The following MRTFA variants were observed in gnomAD, a reference collection of about 807,000 sequenced individuals.
MRTFA encodes the protein myocardin-related transcription factor A.
A neutral mutation model predicts 83.5 loss-of-function variants in MRTFA; 20 were observed. The observed-to-expected ratio is 0.24, with a 90% confidence interval of 0.17 to 0.35. MRTFA has a LOEUF of 0.35. Ranked by LOEUF, MRTFA falls within the 10% of genes least tolerant of loss-of-function variation. The probability of loss-of-function intolerance (pLI) is 1.00; values close to 1 mark genes in which losing one functional copy is unlikely to be tolerated. For synonymous variants in MRTFA, 659 were observed against 541.2 expected, an observed-to-expected ratio of 1.22 and a Z score of -3.02; for missense variants, 1,200 against 1,224.7, an observed-to-expected ratio of 0.98 and a Z score of 0.30.
intron 2 of MRTFA, among the ~76,000 whole-genome samples, chr22:40,592,461 A>G (rs1266917464): frequency 3.3e-5 from 5 of 151,294 alleles, no homozygotes; most frequent in Admixed American, 3.3e-4. Flanking sequence ...TAACTTAAAA[A>G]AAAAAAAAAA....
At chr22:40,575,449 A>T (rs1453031098) in intron 2 of MRTFA, among the ~76,000 whole-genome samples, 9 of 152,226 alleles carry the variant, frequency 5.9e-5, no homozygotes, top group Non-Finnish European at 1.0e-4. Context: ...ATTTTAAATT[A>T]AAAAAATCTT....
At chr22:40,480,825 T>C (rs1327998641) in intron 3 of MRTFA, among the ~76,000 whole-genome samples, 1 of 146,366 alleles carries the variant, frequency 6.8e-6, no homozygotes, top group Non-Finnish European at 1.5e-5. Flanking sequence ...CTCCGCTCAC[T>C]GCAACCTCCG....
Position 40,457,477 on chromosome 22 carries a change from A to AGAAAGAAAGAAAGAAG in MRTFA, c.307+5743_307+5744insCTTCTTTCTTTCTTTC, listed in dbSNP as rs1569275932. Reference sequence around the variant, plus strand: ...AAGAAAGAAAGAAAGAAAGAAAGAAAGAAAGAAAGAAGGAAAGAAAGAAAG... The same window carrying AGAAAGAAAGAAAGAAG: ...AAGAAAGAAAGAAAGAAAGAAAGAAAGAAAGAAAGAAAGAAGGAAAGAAAGAAGGAAAGAAAGAAAG... On this transcript the variant is annotated intron_variant, in intron 4 of 14. Coordinates refer to ENST00000355630, the MANE Select transcript of MRTFA (RefSeq NM_020831.6). Among the ~76,000 whole-genome samples, 6 of 145,870 alleles carry AGAAAGAAAGAAAGAAG rather than the reference A, an allele frequency of 4.1e-5. No individual in the cohort carries two copies. In the East Asian group the frequency reaches 1.2e-3, roughly 28 times the overall value.
At chr22:40,486,584 A>C (rs1233191902) in intron 3 of MRTFA, among the ~76,000 whole-genome samples, 1 of 152,206 alleles carries the variant, frequency 6.6e-6, no homozygotes, top group East Asian at 1.9e-4. Context: ...GCATATTTCC[A>C]TACTAAGACA....
chr22:40,466,034 A>C (rs1481704794), intron 3 of MRTFA, among the ~76,000 whole-genome samples: 1 of 152,130 alleles, frequency 6.6e-6, no homozygotes, highest in Non-Finnish European at 1.5e-5. Context: ...GATCTTCTGA[A>C]AGCCTGCTCT....
At chr22:40,412,516 TATTTGTAC>T in intron 14 of MRTFA, 1 of 152,338 alleles carries the variant, frequency 6.6e-6, no homozygotes, top group East Asian at 1.9e-4. Context: ...GGGTCTCAGG[TATTTGTAC>T]ACAGGTGTTG....
At chr22:40,522,874 G>A (rs2054894485) in intron 3 of MRTFA, 1 of 152,112 alleles carries the variant, frequency 6.6e-6, no homozygotes, top group African/African-American at 2.4e-5. Context: ...AACCAACTAA[G>A]AATAGATGGC....
intron 3 of MRTFA, among the ~76,000 whole-genome samples, chr22:40,506,068 C>T (rs1016063689): frequency 3.3e-5 from 5 of 152,010 alleles, no homozygotes; most frequent in Admixed American, 3.3e-4. Context: ...CCTGTCTCTA[C>T]TAAAAATACA....
intron 4 of MRTFA, among the ~76,000 whole-genome samples, chr22:40,451,750 T>C (rs1209293452): frequency 6.6e-6 from 1 of 152,180 alleles, no homozygotes; most frequent in Non-Finnish European, 1.5e-5. Flanking sequence ...GGCATGTTTA[T>C]ATCTAGCTTT....
intron 3 of MRTFA, among the ~76,000 whole-genome samples, chr22:40,535,189 C>G (rs1189963346): frequency 3.9e-5 from 6 of 152,062 alleles, no homozygotes; most frequent in Non-Finnish European, 7.4e-5. Context: ...AATTTTCAAA[C>G]TGACTTAGGA....
chr22:40,536,017 T>C (rs1348641788), intron 3 of MRTFA, among the ~76,000 whole-genome samples: 1 of 151,414 alleles, frequency 6.6e-6, no homozygotes, highest in East Asian at 1.9e-4. Context: ...TAAACAGTAA[T>C]CTTTAAAAAA....
In MRTFA at chr22:40,411,462, T is replaced by C; in HGVS notation, c.3024A>G (p.Thr1008=). The change falls in exon 15 of 15, where the codon ACA becomes ACG. Residue 1008 remains threonine (T), a synonymous_variant. Coordinates refer to ENST00000355630, the MANE Select transcript of MRTFA (RefSeq NM_020831.6). The stretch of plus-strand genomic sequence containing the variant: ...AGTCTGTGGAGAAGAGGCTGGGGGC[T>C]GTGGTGCTGAGGGGGGCTAGGCTCA... 1 of 1,601,840 alleles carries C rather than the reference T, an allele frequency of 6.2e-7. No individual in the cohort carries two copies. Among genetic ancestry groups the C allele is most frequent in the Non-Finnish European group, 8.5e-7 (1 of 1,170,308 alleles).
intron 2 of MRTFA, among the ~76,000 whole-genome samples, chr22:40,572,804 T>C (rs2055814730): frequency 6.6e-6 from 1 of 152,194 alleles, no homozygotes; most frequent in Admixed American, 6.5e-5. Flanking sequence ...TCAGCTCTCA[T>C]GAGACTCATT....
chr22:40,554,849 C>A (rs912399766), intron 2 of MRTFA, among the ~76,000 whole-genome samples: 5 of 152,368 alleles, frequency 3.3e-5, no homozygotes, highest in Non-Finnish European at 4.4e-5. Context: ...CGTGGAAAAG[C>A]CACAGGGGCA....
chr22:40,577,390 T>C (rs965565263), intron 2 of MRTFA, among the ~76,000 whole-genome samples: 3 of 152,014 alleles, frequency 2.0e-5, no homozygotes, highest in Admixed American at 6.6e-5. Context: ...TTAAAGGATG[T>C]TATGTACATA....
chr22:40,423,150 G>A (rs12159970), intron 9 of MRTFA, among the ~76,000 whole-genome samples: 18,378 of 152,212 alleles, frequency 0.12, 1,270 homozygotes, highest in East Asian at 0.24. Context: ...TTGAAGGAGG[G>A]GAACACCACT....
chr22:40,536,128 CAA>C (rs766454976), intron 3 of MRTFA, among the ~76,000 whole-genome samples: 10 of 113,862 alleles, frequency 8.8e-5, no homozygotes, highest in Admixed American at 1.8e-4. Context: ...CCATCTCTAC[CAA>C]AAAAAAAAAA....
intron 2 of MRTFA, among the ~76,000 whole-genome samples, chr22:40,594,061 AGCCAAAGCTCTATCT>A (rs1431353404): frequency 1.3e-5 from 2 of 152,258 alleles, no homozygotes; most frequent in African/African-American, 4.8e-5. Context: ...CAGATACATA[AGCCAAAGCTCTATCT>A]GGTGTACTTT....
intron 3 of MRTFA, among the ~76,000 whole-genome samples, chr22:40,528,361 A>G (rs2055015367): frequency 6.6e-6 from 1 of 152,166 alleles, no homozygotes; most frequent in African/African-American, 2.4e-5. Context: ...GGTTTCTTTG[A>G]AATGGGTAAA....
Sources: allele counts gnomAD v4.1 joint callset (sites outside exome capture counted in the v4.1 genomes callset), GRCh38; gene constraint gnomAD v4.1.1; transcripts MANE v1.5; gene names NCBI Gene and HGNC (gene_info 2026-07-23, HGNC 2026-07-21).